The following EXOC4 variants were observed in gnomAD, a reference collection of about 807,000 sequenced individuals.
The protein encoded by EXOC4 is SEC8-like 1.
A neutral mutation model predicts 107.2 loss-of-function variants in EXOC4; 71 were observed. The observed-to-expected ratio is 0.66, with a 90% CI of 0.55 to 0.81. The LOEUF is 0.81. EXOC4 is among the 30% of genes least tolerant of loss of function. EXOC4 has a pLI of 0.00. For synonymous variants in EXOC4, 456 were observed against 441.2 expected, an observed-to-expected ratio of 1.03 and a Z score of -0.42; for missense variants, 1,108 against 1,189.6, an observed-to-expected ratio of 0.93 and a Z score of 1.01.
intron 5 of EXOC4, among the ~76,000 whole-genome samples, chr7:133,341,620 G>T (rs1795662869): frequency 6.6e-6 from 1 of 152,164 alleles, no homozygotes; most frequent in South Asian, 2.1e-4. Flanking sequence ...GTCTAGTGCT[G>T]TCAGTGGAGT....
chr7:133,972,087 A>G (rs1585290604), intron 14 of EXOC4, among the ~76,000 whole-genome samples: 1 of 152,336 alleles, frequency 6.6e-6, no homozygotes, highest in East Asian at 1.9e-4. Context: ...TAGTCATCCC[A>G]CAGCCACTTT....
At chr7:133,845,887 G>A (rs1798116584) in intron 11 of EXOC4, among the ~76,000 whole-genome samples, 2 of 152,108 alleles carry the variant, frequency 1.3e-5, no homozygotes, top group African/African-American at 4.8e-5. Context: ...AATGTTGTGT[G>A]TCTGGTTGAC....
At chr7:133,862,357 G>A (rs979731427) in intron 11 of EXOC4, among the ~76,000 whole-genome samples, 4 of 151,850 alleles carry the variant, frequency 2.6e-5, no homozygotes, top group Admixed American at 6.6e-5. Context: ...AGGTGGTGGC[G>A]CATGCCTCCC....
chr7:133,846,620 A>G (rs144582472), intron 11 of EXOC4, among the ~76,000 whole-genome samples: 58 of 152,366 alleles, frequency 3.8e-4, no homozygotes, highest in African/African-American at 1.2e-3. Context: ...GGTATAATGC[A>G]GGGACCAACA....
chr7:133,610,548 A>G (rs774836587), intron 9 of EXOC4, among the ~76,000 whole-genome samples: 10 of 152,212 alleles, frequency 6.6e-5, no homozygotes, highest in East Asian at 5.8e-4. Flanking sequence ...AGCTTTTCAC[A>G]TGTCACAAGA....
At chr7:133,960,623 G>A (rs1414944242) in intron 14 of EXOC4, among the ~76,000 whole-genome samples, 2 of 152,124 alleles carry the variant, frequency 1.3e-5, no homozygotes, top group African/African-American at 4.8e-5. Flanking sequence ...TGCAGAAAAA[G>A]CATTTGACAA....
rs188714269 is a variant in EXOC4, at chr7:133,861,162, C to T, written c.1735-34437C>T. Among the ~76,000 whole-genome samples, 22 of 152,272 alleles carry T rather than the reference C, an allele frequency of 1.4e-4. No homozygotes were observed. The East Asian group carries it at 3.9e-3, about 27-fold the overall frequency. The stretch of plus-strand genomic sequence containing the variant: ...CAATGCTGACCTGTGCTTTCACAGT[C>T]AGCACTAAGTCATAGAAGAGAACCC... On this transcript the variant is annotated intron_variant, in intron 11 of 17. Transcript: ENST00000253861.
At chr7:134,051,600 G>A (rs1428864683) in intron 17 of EXOC4, among the ~76,000 whole-genome samples, 45 of 151,836 alleles carry the variant, frequency 3.0e-4, no homozygotes, top group Non-Finnish European at 7.4e-5. Flanking sequence ...AAACCTGGAG[G>A]GGCAGAGGTT....
chr7:133,336,484 C>T (rs1019565102), intron 5 of EXOC4, among the ~76,000 whole-genome samples: 23 of 152,118 alleles, frequency 1.5e-4, no homozygotes, highest in Admixed American at 5.2e-4. Context: ...GCCTGTTTCC[C>T]CACAGCCTTC....
At chr7:133,700,139 G>GA (rs1477690542) in intron 10 of EXOC4, among the ~76,000 whole-genome samples, 1 of 152,076 alleles carries the variant, frequency 6.6e-6, no homozygotes, top group Non-Finnish European at 1.5e-5. Context: ...ATGGATTTTG[G>GA]AAAAAACTAT....
At chr7:133,319,071 C>A (rs191979987) in intron 5 of EXOC4, among the ~76,000 whole-genome samples, 5 of 152,224 alleles carry the variant, frequency 3.3e-5, no homozygotes, top group African/African-American at 1.2e-4. Context: ...GTTGTTACAT[C>A]TTTGCTTTTT....
chr7:133,845,307 G>A (rs1798101373), intron 11 of EXOC4, among the ~76,000 whole-genome samples: 1 of 148,648 alleles, frequency 6.7e-6, no homozygotes. Context: ...ACCCAGCATG[G>A]GCCAACTAGC....
At position 134,010,995 on chromosome 7, in the gene EXOC4, A is replaced by T. The variant is rs10250935; in HGVS notation, c.2687+3160A>T. On this transcript the variant is annotated intron_variant, in intron 17 of 17. Coordinates refer to ENST00000253861, the MANE Select transcript of EXOC4 (RefSeq NM_021807.4). ...AAGGAACCAGACAACTTGTAACATT[A>T]CCAGAAGTACAGAGAGCCTCTGTCC... 1.5e-3 allele frequency among the ~76,000 whole-genome samples: 223 copies of T among 152,302 alleles called. 1 individual carries two copies. The highest frequency in any genetic ancestry group is 5.1e-3 in the African/African-American group (213 of 41,562).
intron 7 of EXOC4, among the ~76,000 whole-genome samples, chr7:133,446,598 C>T (rs1473588001): frequency 6.6e-6 from 1 of 152,092 alleles, no homozygotes; most frequent in Non-Finnish European, 1.5e-5. Context: ...GTACAGAAAT[C>T]GAGATGAAGC....
chr7:133,631,129 T>C (rs1418323298), intron 10 of EXOC4, among the ~76,000 whole-genome samples: 1 of 152,142 alleles, frequency 6.6e-6, no homozygotes, highest in Non-Finnish European at 1.5e-5. Context: ...ATATATCAAT[T>C]GTGTGTTTTC....
At chr7:133,833,766 T>C (rs1797860280) in intron 11 of EXOC4, among the ~76,000 whole-genome samples, 2 of 152,214 alleles carry the variant, frequency 1.3e-5, no homozygotes, top group South Asian at 2.1e-4. Context: ...GGTTTTGCCA[T>C]GTTGGCCATG....
chr7:133,534,469 G>T (rs1283663513), intron 9 of EXOC4, among the ~76,000 whole-genome samples: 2 of 152,082 alleles, frequency 1.3e-5, no homozygotes, highest in Non-Finnish European at 2.9e-5. Flanking sequence ...ATCTGAACTT[G>T]CTGATTAGTA....
intron 12 of EXOC4, among the ~76,000 whole-genome samples, chr7:133,905,093 G>A (rs10279261): frequency 0.68 from 103,902 of 152,086 alleles, 37,470 homozygotes; most frequent in African/African-American, 0.92. Flanking sequence ...GCAGGAAGAC[G>A]TTGCACTCTG....
At chr7:133,343,000 C>A (rs1011435717) in intron 5 of EXOC4, among the ~76,000 whole-genome samples, 48 of 152,152 alleles carry the variant, frequency 3.2e-4, no homozygotes, top group African/African-American at 1.1e-3. Context: ...TAATAATTGA[C>A]CTTCTGAATT....
Sources: allele counts gnomAD v4.1 joint callset (sites outside exome capture counted in the v4.1 genomes callset), GRCh38; gene constraint gnomAD v4.1.1; transcripts MANE v1.5; gene names NCBI Gene and HGNC (gene_info 2026-07-23, HGNC 2026-07-21).